Variants in NBPF11 observed in about 807,000 individuals in gnomAD.
The protein encoded by NBPF11 is NBPF family member NBPF11.
A neutral mutation model predicts 93.9 loss-of-function variants in NBPF11; 72 were observed. The ratio of observed to expected loss-of-function variants is 0.77; its 90% CI spans 0.63 to 0.93. NBPF11 has a LOEUF of 0.93. NBPF11 is among the 40% of genes least tolerant of loss of function. The probability of loss-of-function intolerance (pLI) is 0.00; values close to 1 mark genes in which losing one functional copy is unlikely to be tolerated. For synonymous variants in NBPF11, 224 were observed against 304.9 expected (o/e 0.73, Z 2.76); for missense variants, 705 against 802.2 (o/e 0.88, Z 1.46).
rs1553882599 is a variant in NBPF11, at chr1:148,151,229, A to G, written c.-549+521T>C. Among the ~76,000 whole-genome samples, 61 of 152,014 alleles carry G rather than the reference A, an allele frequency of 4.0e-4. 3 individuals are homozygous for G. Among genetic ancestry groups the G allele is most frequent in the Admixed American group, 1.0e-3 (16 of 15,284 alleles). On this transcript the variant is annotated intron_variant, in intron 1 of 23. Coordinates refer to ENST00000682118, the MANE Select transcript of NBPF11 (RefSeq NM_001385469.3). ...GGAGGCTTGCCCCGCTAGTCATGAGATGATTCAGTGATCGCTACAAACGCT... is the reference window on the plus strand; with the variant it reads ...GGAGGCTTGCCCCGCTAGTCATGAGGTGATTCAGTGATCGCTACAAACGCT...
At chr1:148,118,813 G>A in intron 10 of NBPF11, 91 bp from the exon 11 acceptor site, 3 of 964,678 alleles carry the variant, frequency 3.1e-6, no homozygotes, top group East Asian at 2.4e-5. Context: ...TCCATCCCAA[G>A]GACAAAACTC....
In NBPF11 at chr1:148,134,070, A is replaced by G. The variant is rs3992710; in HGVS notation, c.-36+1602T>C. 9.5e-4 allele frequency among the ~76,000 whole-genome samples: 145 copies of G among 152,136 alleles called. 1 individual carries two copies. Among genetic ancestry groups the G allele is most frequent in the African/African-American group, 3.3e-3 (136 of 41,396 alleles). On this transcript the variant is annotated intron_variant, in intron 4 of 23. Coordinates refer to ENST00000682118, the MANE Select transcript of NBPF11 (RefSeq NM_001385469.3). ...GACAGCAGGGAGGGCAAATCCATGC[A>G]GCATCTCCCGCCATGACCTCCAGCC...
chr1:148,140,139 C>T (rs1469630800), intron 2 of NBPF11, among the ~76,000 whole-genome samples: 1 of 151,948 alleles, frequency 6.6e-6, no homozygotes, highest in Non-Finnish European at 1.5e-5. Flanking sequence ...ACATACAGTC[C>T]ACTGATCTTC....
rs1194884588 is a variant in NBPF11, at chr1:148,149,393, G to C, written c.-549+2357C>G. The C allele has an allele frequency of 3.0e-5, 47 of 1,586,652 alleles. No homozygotes were observed. The East Asian group carries it at 7.6e-4, about 26-fold the overall frequency. Reference sequence around the variant, plus strand: ...TCCCGTGCTCATCATCCACGGCAGGGAGGACGAGGTGATCGACTTCTCGCA... The same window carrying C: ...TCCCGTGCTCATCATCCACGGCAGGCAGGACGAGGTGATCGACTTCTCGCA... On this transcript the variant is annotated intron_variant, in intron 1 of 23. Coordinates refer to ENST00000682118, the MANE Select transcript of NBPF11 (RefSeq NM_001385469.3).
At chr1:148,142,969 C>A (rs1228193796) in intron 2 of NBPF11, among the ~76,000 whole-genome samples, 1 of 152,256 alleles carries the variant, frequency 6.6e-6, no homozygotes, top group African/African-American at 2.4e-5. Context: ...CCACACACAT[C>A]TCCCCACCCA....
intron 2 of NBPF11, among the ~76,000 whole-genome samples, chr1:148,142,286 G>T (rs1243042622): frequency 1.3e-5 from 2 of 151,826 alleles, no homozygotes; most frequent in Non-Finnish European, 2.9e-5. Context: ...AGAGAGAGAC[G>T]CACTACTGTA....
chr1:148,129,120 T>C (rs1407943279), intron 4 of NBPF11, among the ~76,000 whole-genome samples: 1 of 145,420 alleles, frequency 6.9e-6, no homozygotes, highest in African/African-American at 2.6e-5. Context: ...TATACACGTG[T>C]ATATGTATTA....
chr1:148,128,023 T>C (rs1300196748), intron 4 of NBPF11, among the ~76,000 whole-genome samples: 1 of 150,092 alleles, frequency 6.7e-6, no homozygotes, highest in African/African-American at 2.5e-5. Flanking sequence ...CTTGTTTCAT[T>C]TTGTTTTGGC....
At chr1:148,147,259 A>C (rs1289131473) in intron 1 of NBPF11, among the ~76,000 whole-genome samples, 1 of 152,018 alleles carries the variant, frequency 6.6e-6, no homozygotes, top group Non-Finnish European at 1.5e-5. Flanking sequence ...GGGTCTGTGC[A>C]CGTGTGGCTG....
chr1:148,152,135 C>G lies in NBPF11; in HGVS notation c.-934G>C, dbSNP rs1648542173. 6.6e-6 allele frequency: 1 copy of G among 152,162 alleles called. No individual in the cohort carries two copies. The highest frequency in any genetic ancestry group is 2.4e-5 in the African/African-American group (1 of 41,320). 9.4% of individuals were successfully genotyped at this position (152,162 alleles called of 1,614,324 possible). A position where few individuals can be genotyped will look rare whatever the true frequency, so the allele number is the denominator to read the frequency against. ...GCGCAGCGGGGACGGGAAAATCCCT[C>G]TCTCCCCTCCGCCTCTCTTTCAAAG... is the stretch of plus-strand genomic sequence containing the variant. On this transcript the variant is annotated 5_prime_UTR_variant, in exon 1 of 24. Coordinates refer to ENST00000682118, the MANE Select transcript of NBPF11 (RefSeq NM_001385469.3).
Position 148,147,644 on chromosome 1 carries a change from G to A in NBPF11, c.-548-3958C>T, listed in dbSNP as rs74176375. Among the ~76,000 whole-genome samples, 13 of 152,084 alleles carry A rather than the reference G, an allele frequency of 8.5e-5. 1 individual carries two copies. Among genetic ancestry groups the A allele is most frequent in the African/African-American group, 1.2e-4 (5 of 41,368 alleles). On this transcript the variant is annotated intron_variant, in intron 1 of 23. Transcript: ENST00000682118. The stretch of plus-strand genomic sequence containing the variant: ...CAGCCCACTGGTCTGACCTGCTCCC[G>A]CAGGGACCAGGCACAGCTCTGAGAA...
At chr1:148,124,140 T>C (rs1668533399) in intron 6 of NBPF11, 73 bp from the exon 7 acceptor site, 13 of 1,563,490 alleles carry the variant, frequency 8.3e-6, no homozygotes, top group Middle Eastern at 2.3e-4. Context: ...GCAACAGAGA[T>C]TTCTGAGACA....
rs1647670852 is a variant in NBPF11, at chr1:148,149,399, G to A, written c.-549+2351C>T. Reference sequence around the variant, plus strand: ...GCTCATCATCCACGGCAGGGAGGACGAGGTGATCGACTTCTCGCACGGGCT... The same window carrying A: ...GCTCATCATCCACGGCAGGGAGGACAAGGTGATCGACTTCTCGCACGGGCT... On this transcript the variant is annotated intron_variant, in intron 1 of 23. Coordinates refer to ENST00000682118, the MANE Select transcript of NBPF11 (RefSeq NM_001385469.3). 4.4e-6 allele frequency: 7 copies of A among 1,582,054 alleles called. No homozygotes were observed. In the Admixed American group the frequency reaches 8.5e-5, roughly 19 times the overall value.
chr1:148,119,868 C>G (rs1227783597), intron 10 of NBPF11, among the ~76,000 whole-genome samples: 3 of 152,044 alleles, frequency 2.0e-5, no homozygotes, highest in African/African-American at 7.3e-5. Context: ...GTTGCCCAGG[C>G]TGGTCTCAAA....
intron 5 of NBPF11, among the ~76,000 whole-genome samples, chr1:148,125,478 T>C (rs1233117353): frequency 6.6e-6 from 1 of 152,050 alleles, no homozygotes; most frequent in African/African-American, 2.4e-5. Flanking sequence ...TTTAAATCAA[T>C]ATTCAGATAT....
chr1:148,124,376 G>A (rs1668587632), intron 6 of NBPF11, among the ~76,000 whole-genome samples: 1 of 150,376 alleles, frequency 6.6e-6, no homozygotes, highest in African/African-American at 2.5e-5. Flanking sequence ...CTCTGGCCAT[G>A]GACATTTCCA....
intron 17 of NBPF11, among the ~76,000 whole-genome samples, chr1:148,108,892 G>C (rs1443676476): frequency 1.1e-4 from 9 of 79,496 alleles, no homozygotes; most frequent in African/African-American, 2.0e-4. Flanking sequence ...CACACACACA[G>C]TGTGAGCTCA....
chr1:148,149,320 C>A (rs1647633713), intron 1 of NBPF11: 3 of 1,597,114 alleles, frequency 1.9e-6, no homozygotes, highest in Admixed American at 1.7e-5. Context: ...AGAAGACCTA[C>A]TGCTTCGACG....
intron 5 of NBPF11, among the ~76,000 whole-genome samples, chr1:148,125,792 G>A (rs1371980779): frequency 1.1e-4 from 17 of 151,924 alleles, no homozygotes; most frequent in African/African-American, 3.9e-4. Context: ...AACAGATGAG[G>A]AAACTGAGGG....
Sources: allele counts gnomAD v4.1 joint callset (sites outside exome capture counted in the v4.1 genomes callset), GRCh38; gene constraint gnomAD v4.1.1; transcripts MANE v1.5; gene names NCBI Gene and HGNC (gene_info 2026-07-23, HGNC 2026-07-21).